THSD7A: variants seen among roughly 807,000 people sequenced by gnomAD.
THSD7A encodes thrombospondin type-1 domain-containing protein 7A.
A neutral mutation model predicts 231.3 loss-of-function variants in THSD7A; 96 were observed. The ratio of observed to expected loss-of-function variants is 0.41; its 90% CI spans 0.35 to 0.49. THSD7A has a LOEUF of 0.49. Among genes scored for constraint, THSD7A ranks in the 20% least tolerant of loss-of-function variants. The pLI is 0.05. For missense variants in THSD7A, 2,290 were observed against 2,070.2 expected (o/e 1.11, Z -2.06); for synonymous variants, 940 against 743.3 (o/e 1.26, Z -4.30).
chr7:11,743,072 C>T (rs1055723309), intron 1 of THSD7A, among the ~76,000 whole-genome samples: 2 of 151,904 alleles, frequency 1.3e-5, no homozygotes, highest in South Asian at 2.1e-4. Flanking sequence ...ATTTAAAATG[C>T]TATACTACTT....
Position 11,669,668 on chromosome 7 carries a change from A to G in THSD7A, c.191-32707T>C, listed in dbSNP as rs190000398. ...TTAAAAAGTTATATCTGGAGATTATATGAATATAAATTATTAATAAATTAA... is the reference window on the plus strand; with the variant it reads ...TTAAAAAGTTATATCTGGAGATTATGTGAATATAAATTATTAATAAATTAA... On this transcript the variant is annotated intron_variant, in intron 1 of 27. Transcript: ENST00000423059. 1.6e-4 allele frequency among the ~76,000 whole-genome samples: 24 copies of G among 152,022 alleles called. No individual in the cohort carries two copies. In the East Asian group the frequency reaches 4.6e-3, roughly 29 times the overall value.
chr7:11,400,151 C>T (rs567204339), intron 23 of THSD7A, among the ~76,000 whole-genome samples: 6 of 124,158 alleles, frequency 4.8e-5, no homozygotes, highest in African/African-American at 9.4e-5. Flanking sequence ...TCACACACTG[C>T]GGCCTGTTAT....
chr7:11,546,557 T>C (rs1789408764), intron 4 of THSD7A, among the ~76,000 whole-genome samples: 1 of 152,080 alleles, frequency 6.6e-6, no homozygotes, highest in Admixed American at 6.6e-5. Context: ...ATAAAAGCAA[T>C]AAGCCACATT....
chr7:11,523,751 T>A (rs1296134782), intron 6 of THSD7A, among the ~76,000 whole-genome samples: 2 of 152,238 alleles, frequency 1.3e-5, no homozygotes, highest in East Asian at 3.9e-4. Flanking sequence ...TGGTCTGTTG[T>A]ACGTAGTAAT....
intron 4 of THSD7A, among the ~76,000 whole-genome samples, chr7:11,575,166 A>T (rs1480627673): frequency 6.6e-6 from 1 of 152,210 alleles, no homozygotes; most frequent in Admixed American, 6.5e-5. Context: ...CATCCTCTGC[A>T]TCATTATTAT....
intron 1 of THSD7A, among the ~76,000 whole-genome samples, chr7:11,823,886 A>G (rs1784947324): frequency 6.6e-6 from 1 of 152,038 alleles, no homozygotes; most frequent in African/African-American, 2.4e-5. Flanking sequence ...TGATCTAAGT[A>G]ACAAATGAAT....
At chr7:11,470,110 T>C (rs1196385237) in intron 8 of THSD7A, 116 bp from the exon 9 acceptor site, 4 of 717,824 alleles carry the variant, frequency 5.6e-6, no homozygotes, top group Non-Finnish European at 9.7e-6. Context: ...ATCTGTATTA[T>C]TTAACTTCCA....
chr7:11,436,260 C>G (rs1432355877), intron 13 of THSD7A, among the ~76,000 whole-genome samples: 1 of 152,014 alleles, frequency 6.6e-6, no homozygotes, highest in African/African-American at 2.4e-5. Context: ...AATTTTGAAG[C>G]TTATTAAAAT....
At chr7:11,533,426 G>A (rs1251867673) in intron 6 of THSD7A, among the ~76,000 whole-genome samples, 1 of 152,080 alleles carries the variant, frequency 6.6e-6, no homozygotes, top group East Asian at 1.9e-4. Context: ...CCTGTTTTAT[G>A]GTGAGCAGCT....
chr7:11,808,355 G>A (rs894841587), intron 1 of THSD7A, among the ~76,000 whole-genome samples: 18 of 152,140 alleles, frequency 1.2e-4, no homozygotes, highest in African/African-American at 3.9e-4. Flanking sequence ...ACCTTCCACC[G>A]TGTGAGGACA....
intron 6 of THSD7A, chr7:11,520,024 C>T (rs1450217577): frequency 2.0e-5 from 3 of 152,170 alleles, no homozygotes; most frequent in African/African-American, 7.2e-5. Flanking sequence ...CAAATTAGAA[C>T]CTTGTCTTCC....
chr7:11,424,894 C>T (rs1784268635), intron 15 of THSD7A, 65 bp from the exon 16 acceptor site: 24 of 1,587,326 alleles, frequency 1.5e-5, no homozygotes, highest in Non-Finnish European at 2.0e-5. Context: ...AAGACTTCCA[C>T]ACCATAACAG....
chr7:11,763,466 A>G (rs1583269448), intron 1 of THSD7A, among the ~76,000 whole-genome samples: 2 of 152,326 alleles, frequency 1.3e-5, no homozygotes. Flanking sequence ...ATGTATATGC[A>G]TATATATCCA....
intron 6 of THSD7A, among the ~76,000 whole-genome samples, chr7:11,528,541 G>A (rs191352222): frequency 2.6e-5 from 4 of 152,228 alleles, no homozygotes; most frequent in African/African-American, 4.8e-5. Context: ...ACAATGTTGA[G>A]GAGGCAAGCA....
At chr7:11,767,446 C>A (rs1783064220) in intron 1 of THSD7A, among the ~76,000 whole-genome samples, 1 of 152,152 alleles carries the variant, frequency 6.6e-6, no homozygotes, top group South Asian at 2.1e-4. Context: ...TAGCCAGGAA[C>A]ATTAATTAGT....
At chr7:11,646,435 G>C (rs1468886967) in intron 1 of THSD7A, among the ~76,000 whole-genome samples, 4 of 152,058 alleles carry the variant, frequency 2.6e-5, no homozygotes, top group African/African-American at 9.7e-5. Context: ...GGCTGCTTTA[G>C]AGAATGGATT....
At chr7:11,482,878 T>C (rs895084697) in intron 6 of THSD7A, among the ~76,000 whole-genome samples, 3 of 152,172 alleles carry the variant, frequency 2.0e-5, no homozygotes, top group African/African-American at 4.8e-5. Flanking sequence ...CAAAACATTG[T>C]TGCTGTTAAT....
intron 24 of THSD7A, among the ~76,000 whole-genome samples, chr7:11,381,616 G>A (rs781411541): frequency 2.9e-4 from 44 of 152,260 alleles, no homozygotes; most frequent in Non-Finnish European, 5.7e-4. Context: ...AGGTCTGCCT[G>A]AGCAGTTAAC....
chr7:11,751,406 G>T (rs1205099241), intron 1 of THSD7A: 1 of 152,000 alleles, frequency 6.6e-6, no homozygotes, highest in African/African-American at 2.4e-5. Flanking sequence ...ATGGAATGAA[G>T]TGGGGGGAGG....
Sources: gnomAD v4.1 joint callset for allele counts (sites outside exome capture counted in the v4.1 genomes callset) on GRCh38, gnomAD v4.1.1 for gene constraint, MANE v1.5 for transcripts, NCBI Gene and HGNC (gene_info 2026-07-23, HGNC 2026-07-21) for gene names.